KHDRBS2: variants seen among roughly 807,000 people sequenced by gnomAD.
The protein encoded by KHDRBS2 is KH domain-containing, RNA-binding, signal transduction-associated protein 2.
In KHDRBS2, 26 loss-of-function variants were observed where a neutral mutation model predicts 44.3. The observed-to-expected ratio is 0.59, with a 90% CI of 0.43 to 0.81. The LOEUF (loss-of-function observed/expected upper bound fraction) is 0.81, where lower values mean the gene tolerates loss of function less well. Ranked by LOEUF, KHDRBS2 falls within the 40% of genes least tolerant of loss-of-function variation. KHDRBS2 has a pLI of 0.00. For missense variants in KHDRBS2, 476 were observed against 433.1 expected, an observed-to-expected ratio of 1.10 and a Z score of -0.88; for synonymous variants, 194 against 151.1, an observed-to-expected ratio of 1.28 and a Z score of -2.08.
intron 7 of KHDRBS2, among the ~76,000 whole-genome samples, chr6:61,721,757 T>C (rs1244153374): frequency 3.8e-5 from 4 of 104,262 alleles, no homozygotes; most frequent in African/African-American, 6.7e-5. Context: ...TTTTCCTAAT[T>C]GAATACCTTT....
At chr6:62,056,116 C>G (rs1790234765) in intron 2 of KHDRBS2, among the ~76,000 whole-genome samples, 1 of 151,828 alleles carries the variant, frequency 6.6e-6, no homozygotes, top group African/African-American at 2.4e-5. Flanking sequence ...GTTATATTAG[C>G]CTTGAATTGT....
chr6:62,024,954 C>A (rs985278479), intron 3 of KHDRBS2, among the ~76,000 whole-genome samples: 13 of 151,682 alleles, frequency 8.6e-5, no homozygotes, highest in African/African-American at 3.1e-4. Flanking sequence ...GAATCTGCCT[C>A]CATTTATCAA....
At chr6:62,027,429 G>C (rs1783570486) in intron 3 of KHDRBS2, among the ~76,000 whole-genome samples, 1 of 152,050 alleles carries the variant, frequency 6.6e-6, no homozygotes, top group Non-Finnish European at 1.5e-5. Context: ...AATTTTTTAA[G>C]TGGTAAAAGC....
chr6:61,956,352 T>G (rs769457993), intron 4 of KHDRBS2, among the ~76,000 whole-genome samples: 1 of 152,182 alleles, frequency 6.6e-6, no homozygotes, highest in Non-Finnish European at 1.5e-5. Context: ...TTAAAAGACA[T>G]CATAGGGGGT....
the KHDRBS2 span, among the ~76,000 whole-genome samples, chr6:61,670,536 T>C: frequency 6.6e-6 from 1 of 151,662 alleles, no homozygotes; most frequent in African/African-American, 2.4e-5. Flanking sequence ...AATTTCATTT[T>C]AAAGAATATC....
intron 8 of KHDRBS2, among the ~76,000 whole-genome samples, chr6:61,696,104 C>T (rs1767871471): frequency 1.3e-5 from 2 of 151,958 alleles, no homozygotes; most frequent in Admixed American, 1.3e-4. Flanking sequence ...GTCTCAGCCT[C>T]TGGAGTAGCT....
chr6:62,103,434 G>A (rs1802367655), intron 2 of KHDRBS2, among the ~76,000 whole-genome samples: 1 of 152,232 alleles, frequency 6.6e-6, no homozygotes, highest in African/African-American at 2.4e-5. Flanking sequence ...GGCTGCCACA[G>A]TGCCTGGGCT....
At chr6:62,073,840 A>G (rs1015763198) in intron 2 of KHDRBS2, among the ~76,000 whole-genome samples, 16 of 151,820 alleles carry the variant, frequency 1.1e-4, no homozygotes, top group South Asian at 4.2e-4. Context: ...AACAATCTAA[A>G]TCATGTATTT....
chr6:61,702,979 T>A (rs752305336), intron 7 of KHDRBS2, among the ~76,000 whole-genome samples: 1 of 151,850 alleles, frequency 6.6e-6, no homozygotes, highest in Non-Finnish European at 1.5e-5. Context: ...ATACCTGCTA[T>A]AACCACCGAA....
chr6:61,571,705 T>C, the KHDRBS2 span, among the ~76,000 whole-genome samples: 1 of 152,068 alleles, frequency 6.6e-6, no homozygotes, highest in East Asian at 1.9e-4. Flanking sequence ...TGAAATTATA[T>C]CAAGTATCCT....
At position 61,815,163 on chromosome 6, in the gene KHDRBS2, G is replaced by A. The variant is rs77648772; in HGVS notation, c.810+79472C>T. Among the ~76,000 whole-genome samples the A allele has an allele frequency of 1.9e-3, 283 of 151,960 alleles. 2 individuals carry two copies. Among genetic ancestry groups the A allele is most frequent in the African/African-American group, 6.1e-3 (254 of 41,456 alleles). On this transcript the variant is annotated intron_variant, in intron 6 of 8. Coordinates refer to ENST00000281156, the MANE Select transcript of KHDRBS2 (RefSeq NM_152688.4). ...ATGGATGCAAAACCCATGGATACAG[G>A]GGGAAAACCTAACTATGTTTTTTCC... is the stretch of plus-strand genomic sequence containing the variant.
intron 2 of KHDRBS2, among the ~76,000 whole-genome samples, chr6:62,116,962 A>T (rs1806394303): frequency 6.6e-6 from 1 of 152,170 alleles, no homozygotes; most frequent in Admixed American, 6.5e-5. Flanking sequence ...TTTATTGTGC[A>T]TATATACCAT....
rs972266897 is a variant in KHDRBS2 at position 61,752,723 on chromosome 6, A to T, written c.811-19959T>A. 7.3e-4 allele frequency among the ~76,000 whole-genome samples: 110 copies of T among 151,116 alleles called. 1 individual carries two copies. The highest frequency in any genetic ancestry group is 6.9e-3 in the Middle Eastern group (2 of 290). On this transcript the variant is annotated intron_variant, in intron 6 of 8. Transcript: ENST00000281156. ...AAAAATATCCATGCTCATTGAGGTC[A>T]TATTCTAGTTGGTGGTTTAAGATGA...
At chr6:62,202,131 C>A (rs1368540100) in intron 1 of KHDRBS2, among the ~76,000 whole-genome samples, 1 of 152,058 alleles carries the variant, frequency 6.6e-6, no homozygotes, top group Non-Finnish European at 1.5e-5. Context: ...CTATGCACTT[C>A]AAACAAGTAT....
At chr6:62,121,421 T>A (rs2150082793) in intron 2 of KHDRBS2, among the ~76,000 whole-genome samples, 1 of 152,330 alleles carries the variant, frequency 6.6e-6, no homozygotes, top group East Asian at 1.9e-4. Context: ...AGATCTTGGA[T>A]AATGACAGTA....
intron 3 of KHDRBS2, among the ~76,000 whole-genome samples, chr6:61,996,414 T>C (rs1777175538): frequency 6.6e-6 from 1 of 152,198 alleles, no homozygotes; most frequent in Non-Finnish European, 1.5e-5. Context: ...CTATCCAATT[T>C]AGTTAATATC....
At chr6:62,215,559 TAAAAAAATACGCCTTTTA>T (rs919503711) in intron 1 of KHDRBS2, among the ~76,000 whole-genome samples, 4 of 151,614 alleles carry the variant, frequency 2.6e-5, no homozygotes, top group Admixed American at 2.6e-4. Flanking sequence ...CCAACCACAA[TAAAAAAATACGCCTTTTA>T]AAAATAATAC....
intron 4 of KHDRBS2, among the ~76,000 whole-genome samples, chr6:61,909,070 A>AT (rs201610192): frequency 0.021 from 3,008 of 145,340 alleles, 60 homozygotes; most frequent in African/African-American, 0.045. Context: ...TCATATATAG[A>AT]TTTTTTTTTT....
At chr6:61,971,657 T>C (rs1330931971) in intron 4 of KHDRBS2, among the ~76,000 whole-genome samples, 2 of 152,122 alleles carry the variant, frequency 1.3e-5, no homozygotes, top group Non-Finnish European at 2.9e-5. Flanking sequence ...CCCCTTCCAC[T>C]TTCTCTCTTT....
Sources: allele counts gnomAD v4.1 joint callset (sites outside exome capture counted in the v4.1 genomes callset), GRCh38; gene constraint gnomAD v4.1.1; transcripts MANE v1.5; gene names NCBI Gene and HGNC (gene_info 2026-07-23, HGNC 2026-07-21).